The following DMD variants were observed in gnomAD, a reference collection of about 807,000 sequenced individuals.
DMD encodes the protein mutant dystrophin.
In DMD, 63 loss-of-function variants were observed where a neutral mutation model predicts 330.1. The observed-to-expected ratio is 0.19, with a 90% CI of 0.16 to 0.24. The LOEUF (loss-of-function observed/expected upper bound fraction) is 0.24. Ranked by LOEUF, DMD falls within the 10% of genes least tolerant of loss-of-function variation. The probability of loss-of-function intolerance (pLI) is 1.00; values close to 1 mark genes in which losing one functional copy is unlikely to be tolerated. For missense variants in DMD, 3,344 were observed against 2,684.1 expected, an observed-to-expected ratio of 1.25 and a Z score of -5.43; for synonymous variants, 1,223 against 959.8, an observed-to-expected ratio of 1.27 and a Z score of -5.07.
intron 44 of DMD, among the ~76,000 whole-genome samples, chrX:32,053,435 T>C (rs778403475): frequency 5.4e-5 from 6 of 111,477 alleles, no homozygotes; most frequent in Non-Finnish European, 1.1e-4. Context: ...TCAAGAAGTA[T>C]ATGAATAAGG....
At chrX:32,013,601 T>C (rs998373707) in intron 44 of DMD, among the ~76,000 whole-genome samples, 2 of 112,223 alleles carry the variant, frequency 1.8e-5, no homozygotes, top group Non-Finnish European at 3.8e-5. Context: ...TGAATATTTA[T>C]TAAACGAATG....
At chrX:33,271,555 T>C (rs1035031074) in intron 1 of DMD, among the ~76,000 whole-genome samples, 1 of 109,955 alleles carries the variant, frequency 9.1e-6, no homozygotes, top group Admixed American at 9.7e-5. Context: ...TCACCTGAGG[T>C]CAGGAGTTTC....
At chrX:32,109,486 C>T (rs901873597) in intron 44 of DMD, among the ~76,000 whole-genome samples, 3 of 110,103 alleles carry the variant, frequency 2.7e-5, no homozygotes, top group African/African-American at 9.9e-5. Flanking sequence ...AAATTAGAGC[C>T]AGGTAATATC....
chrX:32,593,100 C>T (rs1386124094), intron 13 of DMD, among the ~76,000 whole-genome samples: 5 of 112,917 alleles, frequency 4.4e-5, no homozygotes, highest in African/African-American at 6.4e-5. Context: ...CAAGCACAGC[C>T]TGCCAGGCTG....
At chrX:33,275,015 G>A (rs371883507) in intron 1 of DMD, among the ~76,000 whole-genome samples, 9 of 111,491 alleles carry the variant, frequency 8.1e-5, no homozygotes, top group Non-Finnish European at 1.7e-4. Context: ...ATGCTCTCCC[G>A]CACAATGGCA....
At chrX:33,097,262 G>A (rs2095178885) in intron 1 of DMD, among the ~76,000 whole-genome samples, 1 of 108,873 alleles carries the variant, frequency 9.2e-6, no homozygotes, top group Admixed American at 1.0e-4. Flanking sequence ...ATTCTAGATG[G>A]TTCCACATAG....
At chrX:31,453,648 T>A (rs2065924753) in intron 59 of DMD, among the ~76,000 whole-genome samples, 1 of 108,349 alleles carries the variant, frequency 9.2e-6, no homozygotes, top group African/African-American at 3.4e-5. Flanking sequence ...AAATCAAAAA[T>A]AAGTACAATT....
In DMD at chrX:33,271,348, T is replaced by TA. The variant is rs745388462; in HGVS notation, c.7+67910dup. 6.7e-3 allele frequency among the ~76,000 whole-genome samples: 661 copies of TA among 98,709 alleles called. 6 individuals are homozygous for TA. Among genetic ancestry groups the TA allele is most frequent in the African/African-American group, 0.022 (591 of 27,358 alleles). The allele number at this position is 98,709 out of a possible 115,157, so 85.7% of individuals were successfully genotyped here. A position where few individuals can be genotyped will look rare whatever the true frequency, so the allele number is the denominator to read the frequency against. ...AATGATCCTTAATTTTACCTAAAAC[T>TA]AAAAAAAAAAAAGCAAATATTTATC... On this transcript the variant is annotated intron_variant, in intron 1 of 17. Transcript: ENST00000288447.
intron 78 of DMD, among the ~76,000 whole-genome samples, chrX:31,125,371 C>T (rs765905098): frequency 1.8e-5 from 2 of 112,043 alleles, no homozygotes; most frequent in South Asian, 7.5e-4. Flanking sequence ...GGCACTGGCA[C>T]AGACACACTG....
At chrX:31,625,391 CTTT>C (rs2078781025) in intron 55 of DMD, among the ~76,000 whole-genome samples, 1 of 111,664 alleles carries the variant, frequency 9.0e-6, no homozygotes, top group Admixed American at 9.6e-5. Flanking sequence ...CAAGCTCTCT[CTTT>C]TTCTACCTCG....
chrX:32,100,263 A>G lies in DMD; in HGVS notation c.6438+116653T>C, dbSNP rs1031935908. ...ATCTTGAACATATATATTATTTACA[A>G]GATCACCTAACTTTCTTCCTCATTT... On this transcript the variant is annotated intron_variant, in intron 44 of 78. Coordinates refer to ENST00000357033, the MANE Select transcript of DMD (RefSeq NM_004006.3). Among the ~76,000 whole-genome samples the G allele has an allele frequency of 4.5e-5, 5 of 110,136 alleles. No homozygotes were observed. The Admixed American group carries it at 4.9e-4, about 11-fold the overall frequency.
At chrX:31,813,655 A>G (rs766524399) in intron 50 of DMD, among the ~76,000 whole-genome samples, 2 of 112,034 alleles carry the variant, frequency 1.8e-5, no homozygotes, top group Non-Finnish European at 3.8e-5. Flanking sequence ...TATGAAAACT[A>G]TGAAGACCAA....
intron 55 of DMD, among the ~76,000 whole-genome samples, chrX:31,529,898 A>G (rs1023092166): frequency 1.8e-5 from 1 of 56,012 alleles, no homozygotes; most frequent in Non-Finnish European, 3.2e-5. Context: ...AGATTTCTTT[A>G]AAAAAAAAAA....
intron 2 of DMD, among the ~76,000 whole-genome samples, chrX:32,893,273 TTAACA>T (rs1569540002): frequency 8.9e-6 from 1 of 112,089 alleles, no homozygotes; most frequent in Non-Finnish European, 1.9e-5. Flanking sequence ...CCATGCTTCC[TTAACA>T]TAAGCTGAAT....
At chrX:31,256,614 C>A (rs2049985030) in intron 63 of DMD, among the ~76,000 whole-genome samples, 1 of 111,476 alleles carries the variant, frequency 9.0e-6, no homozygotes. Flanking sequence ...ATGTCTACAT[C>A]TGCATTTTTC....
intron 63 of DMD, among the ~76,000 whole-genome samples, chrX:31,226,731 A>ATTGGTGCAACATCC (rs749512160): frequency 1.8e-5 from 2 of 111,766 alleles, no homozygotes; most frequent in East Asian, 5.6e-4. Flanking sequence ...TCCCCTCCAG[A>ATTGGTGCAACATCC]TTGGTGCAAC....
chrX:32,030,208 C>T (rs1265702782), intron 44 of DMD, among the ~76,000 whole-genome samples: 3 of 112,228 alleles, frequency 2.7e-5, no homozygotes, highest in African/African-American at 6.5e-5. Flanking sequence ...CACTGATCCT[C>T]GCTTTCTCCC....
At chrX:32,507,957 C>A (rs964947983) in intron 18 of DMD, among the ~76,000 whole-genome samples, 2 of 110,571 alleles carry the variant, frequency 1.8e-5, no homozygotes, top group African/African-American at 6.6e-5. Flanking sequence ...ACATGCTCTG[C>A]TGTTGCTAGG....
intron 55 of DMD, among the ~76,000 whole-genome samples, chrX:31,609,801 C>T (rs368951256): frequency 1.8e-5 from 2 of 111,437 alleles, no homozygotes; most frequent in South Asian, 7.6e-4. Flanking sequence ...TTGAGACTCT[C>T]ACATGGTAGG....
Sources: gnomAD v4.1 joint callset for allele counts (sites outside exome capture counted in the v4.1 genomes callset) on GRCh38, gnomAD v4.1.1 for gene constraint, MANE v1.5 for transcripts, NCBI Gene and HGNC (gene_info 2026-07-23, HGNC 2026-07-21) for gene names.